Variants in ZFPM2 observed in about 807,000 individuals in gnomAD.
ZFPM2 encodes zinc finger protein ZFPM2.
Under a neutral mutation model 98.6 loss-of-function variants are expected in ZFPM2, and 20 were observed. The ratio of observed to expected loss-of-function variants is 0.20; its 90% CI spans 0.14 to 0.29. ZFPM2 has a LOEUF of 0.29. Ranked by LOEUF, ZFPM2 falls within the 10% of genes least tolerant of loss-of-function variation. The pLI is 1.00. For synonymous variants in ZFPM2, 518 were observed against 502.7 expected (o/e 1.03, Z -0.41); for missense variants, 1,310 against 1,388.6 (o/e 0.94, Z 0.90).
chr8:105,711,402 T>C (rs1811393857), intron 5 of ZFPM2, among the ~76,000 whole-genome samples: 1 of 152,108 alleles, frequency 6.6e-6, no homozygotes, highest in Non-Finnish European at 1.5e-5. Flanking sequence ...CTTAAATACT[T>C]CTGGATATAT....
chr8:105,697,639 T>A (rs1811050288), intron 5 of ZFPM2, among the ~76,000 whole-genome samples: 2 of 152,200 alleles, frequency 1.3e-5, no homozygotes, highest in Non-Finnish European at 2.9e-5. Context: ...TCCTGCTGTA[T>A]AATGAAATTT....
intron 3 of ZFPM2, among the ~76,000 whole-genome samples, chr8:105,481,948 A>C (rs940357800): frequency 3.3e-5 from 5 of 152,212 alleles, no homozygotes; most frequent in African/African-American, 1.2e-4. Context: ...ACTTCTGAGT[A>C]AATGATTTGG....
intron 1 of ZFPM2, among the ~76,000 whole-genome samples, chr8:105,394,137 C>A (rs1185808402): frequency 1.3e-5 from 2 of 152,028 alleles, no homozygotes; most frequent in African/African-American, 4.8e-5. Context: ...TAGTGATTCG[C>A]CCGCCTCGGC....
intron 1 of ZFPM2, among the ~76,000 whole-genome samples, chr8:105,322,853 T>G (rs1425261457): frequency 6.6e-6 from 1 of 152,128 alleles, no homozygotes; most frequent in Non-Finnish European, 1.5e-5. Context: ...TATTGAATAA[T>G]TACCATTTTG....
chr8:105,539,224 T>C (rs1373098301), intron 3 of ZFPM2, among the ~76,000 whole-genome samples: 4 of 152,204 alleles, frequency 2.6e-5, no homozygotes, highest in Non-Finnish European at 4.4e-5. Flanking sequence ...ACAAAATGTC[T>C]GTATTCTGTA....
intron 5 of ZFPM2, among the ~76,000 whole-genome samples, chr8:105,660,067 A>T (rs1275069715): frequency 6.6e-6 from 1 of 152,216 alleles, no homozygotes; most frequent in Non-Finnish European, 1.5e-5. Context: ...CTTTATAATA[A>T]CTTGTTTTGT....
At chr8:105,597,462 A>AT (rs1248218856) in intron 4 of ZFPM2, among the ~76,000 whole-genome samples, 1 of 152,062 alleles carries the variant, frequency 6.6e-6, no homozygotes, top group African/African-American at 2.4e-5. Flanking sequence ...CCCCTGTGTG[A>AT]TTTTCTCATG....
chr8:105,449,854 C>G (rs1812450269), intron 3 of ZFPM2, among the ~76,000 whole-genome samples: 1 of 152,076 alleles, frequency 6.6e-6, no homozygotes, highest in African/African-American at 2.4e-5. Flanking sequence ...CTTTTACTAT[C>G]ATTTCAGCAA....
At chr8:105,536,355 G>A (rs558008978) in intron 3 of ZFPM2, among the ~76,000 whole-genome samples, 47 of 151,922 alleles carry the variant, frequency 3.1e-4, no homozygotes, top group African/African-American at 5.3e-4. Context: ...AAAGAGACTC[G>A]TATTTAAGTA....
intron 1 of ZFPM2, among the ~76,000 whole-genome samples, chr8:105,381,054 C>A (rs1448524154): frequency 1.4e-5 from 2 of 144,728 alleles, no homozygotes; most frequent in African/African-American, 5.1e-5. Flanking sequence ...TTAGGTATTT[C>A]TCTTAATGCT....
intron 4 of ZFPM2, among the ~76,000 whole-genome samples, chr8:105,593,199 T>C (rs192261937): frequency 5.0e-4 from 76 of 152,276 alleles, no homozygotes; most frequent in Middle Eastern, 3.4e-3. Context: ...TGAGTGTATA[T>C]GTACACATAA....
At chr8:105,546,633 T>C (rs968280548) in intron 3 of ZFPM2, among the ~76,000 whole-genome samples, 1 of 152,026 alleles carries the variant, frequency 6.6e-6, no homozygotes, top group Non-Finnish European at 1.5e-5. Flanking sequence ...ATTGAGTTCT[T>C]ACTATGTGCT....
chr8:105,697,257 T>C (rs1475359293), intron 5 of ZFPM2, among the ~76,000 whole-genome samples: 1 of 152,198 alleles, frequency 6.6e-6, no homozygotes, highest in African/African-American at 2.4e-5. Flanking sequence ...AATTATGCAT[T>C]TTGCAGTATT....
At chr8:105,406,231 G>A (rs1309525786) in intron 1 of ZFPM2, among the ~76,000 whole-genome samples, 2 of 152,044 alleles carry the variant, frequency 1.3e-5, no homozygotes, top group African/African-American at 4.8e-5. Flanking sequence ...TAGGTTGCCT[G>A]TTCACTCTGA....
At chr8:105,534,577 A>G (rs776088112) in intron 3 of ZFPM2, among the ~76,000 whole-genome samples, 3 of 152,044 alleles carry the variant, frequency 2.0e-5, no homozygotes, top group Admixed American at 6.6e-5. Context: ...GGGAAAGCTT[A>G]AAAAGCTTAA....
At chr8:105,612,952 A>T (rs749046527) in intron 4 of ZFPM2, among the ~76,000 whole-genome samples, 5 of 152,228 alleles carry the variant, frequency 3.3e-5, no homozygotes, top group Non-Finnish European at 5.9e-5. Context: ...CATTTACTTG[A>T]CAAAGTTGAC....
chr8:105,431,294 G>A (rs1027849218), intron 2 of ZFPM2, among the ~76,000 whole-genome samples: 1 of 152,124 alleles, frequency 6.6e-6, no homozygotes, highest in Non-Finnish European at 1.5e-5. Context: ...TCTAAATTAC[G>A]TTACTATGGA....
intron 5 of ZFPM2, among the ~76,000 whole-genome samples, chr8:105,749,903 G>A (rs1209789117): frequency 6.6e-6 from 1 of 152,018 alleles, no homozygotes; most frequent in Non-Finnish European, 1.5e-5. Context: ...TTACAGAAGA[G>A]TTAGGAATTT....
chr8:105,751,501 A>G (rs2343547), intron 5 of ZFPM2, among the ~76,000 whole-genome samples: 17,367 of 152,036 alleles, frequency 0.11, 1,192 homozygotes, highest in East Asian at 0.32. Context: ...CTCATGACTC[A>G]CAATCTGCTG....
Sources: allele counts gnomAD v4.1 joint callset (sites outside exome capture counted in the v4.1 genomes callset), GRCh38; gene constraint gnomAD v4.1.1; transcripts MANE v1.5; gene names NCBI Gene and HGNC (gene_info 2026-07-23, HGNC 2026-07-21).